Variants in DENND1A observed in about 807,000 individuals in gnomAD.
The protein encoded by DENND1A is DENN domain-containing protein 1A.
In DENND1A, 51 loss-of-function variants were observed where a neutral mutation model predicts 113.7. The ratio of observed to expected loss-of-function variants is 0.45; its 90% confidence interval spans 0.36 to 0.57. The LOEUF (loss-of-function observed/expected upper bound fraction) is 0.57. Among genes scored for constraint, DENND1A ranks in the 20% least tolerant of loss-of-function variants. The pLI is 0.00. For synonymous variants in DENND1A, 565 were observed against 570.8 expected, an observed-to-expected ratio of 0.99 and a Z score of 0.14; for missense variants, 1,258 against 1,395.9, an observed-to-expected ratio of 0.90 and a Z score of 1.57.
chr9:123,513,720 A>G (rs1337526958), intron 13 of DENND1A, among the ~76,000 whole-genome samples: 1 of 152,238 alleles, frequency 6.6e-6, no homozygotes, highest in Non-Finnish European at 1.5e-5. Flanking sequence ...ACTGACAGGA[A>G]GCAGCTAGCC....
intron 5 of DENND1A, among the ~76,000 whole-genome samples, chr9:123,745,991 A>G (rs2069467278): frequency 6.6e-6 from 1 of 152,248 alleles, no homozygotes; most frequent in South Asian, 2.1e-4. Flanking sequence ...AAAACCAAAC[A>G]AAGCTATACT....
intron 13 of DENND1A, among the ~76,000 whole-genome samples, chr9:123,508,091 C>A (rs988798362): frequency 6.6e-6 from 1 of 152,110 alleles, no homozygotes; most frequent in Non-Finnish European, 1.5e-5. Flanking sequence ...ATAACACAGG[C>A]AAAGAGAGAT....
chr9:123,757,948 A>G (rs1049863227), intron 4 of DENND1A, 126 bp from the exon 5 acceptor site: 144 of 1,126,516 alleles, frequency 1.3e-4, no homozygotes, highest in Middle Eastern at 2.5e-4. Context: ...AAATTTACAC[A>G]TTTCAAGGGA....
chr9:123,861,279 T>C (rs1845022911), intron 2 of DENND1A, among the ~76,000 whole-genome samples: 1 of 152,186 alleles, frequency 6.6e-6, no homozygotes, highest in Non-Finnish European at 1.5e-5. Flanking sequence ...CAGTCTGCAG[T>C]TAAAAGGCAC....
At chr9:123,498,693 T>C (rs895119590) in intron 13 of DENND1A, among the ~76,000 whole-genome samples, 2 of 151,796 alleles carry the variant, frequency 1.3e-5, no homozygotes, top group African/African-American at 2.4e-5. Context: ...AGATGCAATT[T>C]TGGGCAAATC....
chr9:123,796,772 C>CACAT (rs60467147), intron 2 of DENND1A, among the ~76,000 whole-genome samples: 10,067 of 151,848 alleles, frequency 0.066, 463 homozygotes, highest in African/African-American at 0.13. Flanking sequence ...CACACACACA[C>CACAT]ACACACACAC....
intron 13 of DENND1A, among the ~76,000 whole-genome samples, chr9:123,535,175 C>T (rs2055645120): frequency 6.6e-6 from 1 of 152,214 alleles, no homozygotes; most frequent in Non-Finnish European, 1.5e-5. Flanking sequence ...GTTGTCCCTA[C>T]AGCCCTTTTC....
intron 11 of DENND1A, among the ~76,000 whole-genome samples, chr9:123,589,961 G>A (rs2059381577): frequency 2.0e-5 from 3 of 152,208 alleles, no homozygotes; most frequent in Non-Finnish European, 4.4e-5. Context: ...AAATCCTCCA[G>A]GTTTTCATCT....
intron 10 of DENND1A, among the ~76,000 whole-genome samples, chr9:123,612,086 T>C (rs1320601634): frequency 6.6e-6 from 1 of 152,240 alleles, no homozygotes; most frequent in Non-Finnish European, 1.5e-5. Context: ...TCATAGCAGC[T>C]CCATGTTTTG....
intron 9 of DENND1A, among the ~76,000 whole-genome samples, chr9:123,639,079 A>AAAAAAG (rs1190757062): frequency 1.5e-4 from 22 of 148,960 alleles, no homozygotes; most frequent in African/African-American, 4.4e-4. Flanking sequence ...AAGAAAGAAA[A>AAAAAAG]AAAAAGAAAA....
At chr9:123,705,235 C>T (rs959536743) in intron 5 of DENND1A, among the ~76,000 whole-genome samples, 5 of 152,052 alleles carry the variant, frequency 3.3e-5, no homozygotes, top group East Asian at 1.9e-4. Flanking sequence ...TATCTATTTA[C>T]GACTTATTGG....
rs116520245 is a variant in DENND1A at position 123,609,337 on chromosome 9, C to T, written c.765+99G>A. The T allele has an allele frequency of 6.6e-4, 886 of 1,335,074 alleles. 5 individuals are homozygous for T. The African/African-American group carries it at 0.011, about 16-fold the overall frequency. The allele number at this position is 1,335,074 out of a possible 1,614,324, so 82.7% of individuals were successfully genotyped here. A position where few individuals can be genotyped will look rare whatever the true frequency, so the allele number is the denominator to read the frequency against. On this transcript the variant is annotated intron_variant, in intron 11 of 23. Coordinates refer to ENST00000394215, the MANE Select transcript of DENND1A (RefSeq NM_001352964.2). ...GAGGTGCTGCTTCAGCATGCTCCCA[C>T]GTGCAGAGCTGTGACTGCTGAGACT...
chr9:123,687,323 G>C (rs1448691392), intron 5 of DENND1A, among the ~76,000 whole-genome samples: 1 of 152,158 alleles, frequency 6.6e-6, no homozygotes, highest in Non-Finnish European at 1.5e-5. Flanking sequence ...ACAACTGGTG[G>C]CACTACTGGG....
intron 11 of DENND1A, among the ~76,000 whole-genome samples, chr9:123,592,290 A>G (rs1047006276): frequency 1.3e-5 from 2 of 152,226 alleles, no homozygotes; most frequent in African/African-American, 4.8e-5. Flanking sequence ...TTATACTCTC[A>G]TGCTATTAAA....
rs2049226146 is a variant in DENND1A at position 123,469,505 on chromosome 9, C to A, written c.994-11608G>T. 2.0e-5 allele frequency among the ~76,000 whole-genome samples: 3 copies of A among 152,250 alleles called. No individual in the cohort carries two copies. In the South Asian group the frequency reaches 6.2e-4, roughly 31 times the overall value. On this transcript the variant is annotated intron_variant, in intron 13 of 23. Transcript: ENST00000394215. ...CTCGGCTCCTCTGTGCCAGCAGCCC[C>A]TTCCTTCTGCATTAACCGAGACAAA...
intron 19 of DENND1A, among the ~76,000 whole-genome samples, chr9:123,432,638 G>C (rs1296911314): frequency 1.3e-5 from 2 of 152,236 alleles, no homozygotes; most frequent in African/African-American, 4.8e-5. Flanking sequence ...AATATGCTTT[G>C]GAAACAACAG....
At chr9:123,912,066 T>A (rs1033126338) in intron 1 of DENND1A, among the ~76,000 whole-genome samples, 2 of 152,176 alleles carry the variant, frequency 1.3e-5, no homozygotes, top group South Asian at 2.1e-4. Context: ...ATAGCCTGTA[T>A]CTTGATCTGG....
chr9:123,454,851 T>A, intron 15 of DENND1A, 72 bp from the exon 16 acceptor site: 1 of 791,004 alleles, frequency 1.3e-6, no homozygotes, highest in Non-Finnish European at 1.7e-6. Context: ...TAAAATTGCT[T>A]TTTTTTTTTT....
At chr9:123,698,666 C>A (rs2065679162) in intron 5 of DENND1A, among the ~76,000 whole-genome samples, 1 of 152,160 alleles carries the variant, frequency 6.6e-6, no homozygotes, top group African/African-American at 2.4e-5. Context: ...TCTACGGATC[C>A]CTTAGATTCG....
Sources: gnomAD v4.1 joint callset for allele counts (sites outside exome capture counted in the v4.1 genomes callset) on GRCh38, gnomAD v4.1.1 for gene constraint, MANE v1.5 for transcripts, NCBI Gene and HGNC (gene_info 2026-07-23, HGNC 2026-07-21) for gene names.